SHROOM3: variants seen among roughly 807,000 people sequenced by gnomAD.
SHROOM3 encodes shroom family member 3, also known as protein Shroom3.
A neutral mutation model predicts 138.6 loss-of-function variants in SHROOM3; 47 were observed. The observed-to-expected ratio is 0.34, with a 90% confidence interval of 0.27 to 0.43. SHROOM3 has a LOEUF of 0.43. SHROOM3 is among the 20% of genes least tolerant of loss of function. The pLI, the probability that SHROOM3 is intolerant of heterozygous loss-of-function variation, is 1.00. For missense variants in SHROOM3, 2,491 were observed against 2,596.5 expected (o/e 0.96, Z 0.88); for synonymous variants, 1,062 against 1,063.3 (o/e 1.00, Z 0.02).
intron 2 of SHROOM3, among the ~76,000 whole-genome samples, chr4:76,599,986 AC>A (rs1249557009): frequency 6.8e-6 from 1 of 146,336 alleles, no homozygotes. Context: ...TTCTAAAAAA[AC>A]ATTTTTTTTT....
Position 76,741,553 on chromosome 4 carries a change from C to A in SHROOM3, c.3380C>A (p.Ala1127Glu), listed in dbSNP as rs754994062. Reference protein sequence around the residue: ...QSAYLQPGPAALEGSGLASAS... With the variant: ...QSAYLQPGPAELEGSGLASAS... Reference sequence around the variant, plus strand: ...GCCTACCTCCAGCCCGGCCCCGCGGCGCTCGAAGGCTCCGGCCTCGCCTCG... The same window carrying A: ...GCCTACCTCCAGCCCGGCCCCGCGGAGCTCGAAGGCTCCGGCCTCGCCTCG... The change falls in exon 5 of 11, where the codon GCG (alanine) becomes GAG (glutamate). Residue 1127 changes from alanine to glutamate, a missense_variant. Coordinates refer to ENST00000296043, the MANE Select transcript of SHROOM3 (RefSeq NM_020859.4). The surrounding 1 kb of genome is among the most constrained non-coding windows in gnomAD (Gnocchi z 6.2). The A allele has an allele frequency of 9.1e-6, 14 of 1,546,598 alleles. No individual in the cohort carries two copies. The East Asian group carries it at 3.4e-4, about 37-fold the overall frequency.
chr4:76,607,697 T>C (rs1172785798), intron 2 of SHROOM3, among the ~76,000 whole-genome samples: 1 of 151,894 alleles, frequency 6.6e-6, no homozygotes, highest in Admixed American at 6.6e-5. Flanking sequence ...TTTCTTGTGG[T>C]TAATAAAGGA....
At chr4:76,668,541 C>T (rs1000590753) in intron 2 of SHROOM3, among the ~76,000 whole-genome samples, 3 of 152,030 alleles carry the variant, frequency 2.0e-5, no homozygotes, top group African/African-American at 4.8e-5. Flanking sequence ...CCATTGCACT[C>T]CAGCTGGGGC....
rs140210750 is a variant in SHROOM3 at position 76,712,298 on chromosome 4, A to G, written c.455+2011A>G. On this transcript the variant is annotated intron_variant, in intron 3 of 10. Transcript: ENST00000296043. ...TGAGGGTAGGATAAAGGAGAGAAAA[A>G]CTAAAGAGTGACTGCTGAGTTGCTG... is the stretch of plus-strand genomic sequence containing the variant. Among the ~76,000 whole-genome samples the G allele has an allele frequency of 1.6e-4, 25 of 152,270 alleles. No individual in the cohort carries two copies. The East Asian group carries it at 3.9e-3, about 23-fold the overall frequency.
At chr4:76,743,443 T>G (rs1294502805) in intron 5 of SHROOM3, among the ~76,000 whole-genome samples, 2 of 152,352 alleles carry the variant, frequency 1.3e-5, no homozygotes, top group African/African-American at 4.8e-5. Context: ...ATGTGACGAT[T>G]GATCCATCTC....
chr4:76,669,045 G>A (rs1346759719), intron 2 of SHROOM3, among the ~76,000 whole-genome samples: 2 of 152,196 alleles, frequency 1.3e-5, no homozygotes, highest in East Asian at 3.8e-4. Flanking sequence ...ATGGAGACGG[G>A]ATAGGGAAAA....
chr4:76,717,497 T>C (rs1270667366), intron 3 of SHROOM3, among the ~76,000 whole-genome samples: 2 of 152,208 alleles, frequency 1.3e-5, no homozygotes, highest in African/African-American at 4.8e-5. Context: ...CTTTTGTAGT[T>C]GTCTCTCAGT....
chr4:76,508,385 G>C (rs1022616295), intron 1 of SHROOM3, among the ~76,000 whole-genome samples: 1 of 152,088 alleles, frequency 6.6e-6, no homozygotes, highest in Non-Finnish European at 1.5e-5. Context: ...GTTTATTTCT[G>C]AACTCACAAT....
In SHROOM3 at chr4:76,435,472, C is replaced by T. The variant is rs1730543712; in HGVS notation, c.-581C>T. 1 of 152,056 alleles carries T rather than the reference C, an allele frequency of 6.6e-6. No homozygotes were observed. The highest frequency in any genetic ancestry group is 2.4e-5 in the African/African-American group (1 of 41,402). 9.4% of individuals were successfully genotyped at this position (152,056 alleles called of 1,614,324 possible). A position where few individuals can be genotyped will look rare whatever the true frequency, so the allele number is the denominator to read the frequency against. ...TTTTAGCACAGCTTCTCTGTCTCTT[C>T]GGGACAAGTTAGAAAATTCTGAAGT... On this transcript the variant is annotated 5_prime_UTR_variant, in exon 1 of 11. Coordinates refer to ENST00000296043, the MANE Select transcript of SHROOM3 (RefSeq NM_020859.4).
At position 76,567,894 on chromosome 4, in the gene SHROOM3, G is replaced by GT. The variant is rs369721207; in HGVS notation, c.323+12143dup. ...TACTGGTGGTTACATGGTACTGAACGTTTTTTTTTTTTAACTAAATTAAAA... is the reference window on the plus strand; with the variant it reads ...TACTGGTGGTTACATGGTACTGAACGTTTTTTTTTTTTTAACTAAATTAAAA... On this transcript the variant is annotated intron_variant, in intron 2 of 10. Coordinates refer to ENST00000296043, the MANE Select transcript of SHROOM3 (RefSeq NM_020859.4). Among the ~76,000 whole-genome samples, 153 of 142,620 alleles carry GT rather than the reference G, an allele frequency of 1.1e-3. No homozygotes were observed. In the Middle Eastern group the frequency reaches 0.011, roughly 10 times the overall value. 93.6% of individuals were successfully genotyped at this position (142,620 alleles called of 152,430 possible). A position where few individuals can be genotyped will look rare whatever the true frequency, so the allele number is the denominator to read the frequency against.
chr4:76,567,649 C>A (rs1171538981), intron 2 of SHROOM3, among the ~76,000 whole-genome samples: 2 of 151,926 alleles, frequency 1.3e-5, no homozygotes, highest in Non-Finnish European at 2.9e-5. Context: ...GACTCCATCT[C>A]AAAAAAATTA....
chr4:76,678,570 TG>T lies in SHROOM3; in HGVS notation c.324-31583del, dbSNP rs34847348. ...TAAGAAGACAACTGAGTCAGTCGGA[TG>T]GGTGTTTTGATGCTATGAATAAAAT... is the stretch of plus-strand genomic sequence containing the variant. On this transcript the variant is annotated intron_variant, in intron 2 of 10. Coordinates refer to ENST00000296043, the MANE Select transcript of SHROOM3 (RefSeq NM_020859.4). Among the ~76,000 whole-genome samples, 4 of 152,318 alleles carry T rather than the reference TG, an allele frequency of 2.6e-5. No homozygotes were observed. The East Asian group carries it at 7.7e-4, about 29-fold the overall frequency.
chr4:76,489,531 G>A (rs1372236146), intron 1 of SHROOM3, among the ~76,000 whole-genome samples: 1 of 152,188 alleles, frequency 6.6e-6, no homozygotes, highest in East Asian at 1.9e-4. Context: ...TTGCGCAGAT[G>A]TCAGAGGAAG....
chr4:76,497,272 A>G (rs1357354632), intron 1 of SHROOM3, among the ~76,000 whole-genome samples: 1 of 152,202 alleles, frequency 6.6e-6, no homozygotes, highest in Non-Finnish European at 1.5e-5. Flanking sequence ...TTCATCTGGA[A>G]CTTCTTAAAG....
At chr4:76,547,377 T>C (rs1369331505) in intron 1 of SHROOM3, among the ~76,000 whole-genome samples, 1 of 152,098 alleles carries the variant, frequency 6.6e-6, no homozygotes, top group African/African-American at 2.4e-5. Flanking sequence ...TCTATAAAAA[T>C]ACAATTATAA....
At chr4:76,700,819 C>G (rs1282009383) in intron 2 of SHROOM3, among the ~76,000 whole-genome samples, 1 of 151,806 alleles carries the variant, frequency 6.6e-6, no homozygotes, top group Non-Finnish European at 1.5e-5. Flanking sequence ...CTCACTCTGT[C>G]ACCCAGGCTG....
rs529830890 is a variant in SHROOM3, at chr4:76,519,372, T to G, written c.169-36237T>G. Among the ~76,000 whole-genome samples the G allele has an allele frequency of 6.2e-4, 94 of 152,302 alleles. No individual in the cohort carries two copies. In the South Asian group the frequency reaches 0.018, roughly 29 times the overall value. ...GTTCAGAGGGTGCATTTAACTTCAG[T>G]GACTTCAATCAATTCTGTAAATTTT... is the stretch of plus-strand genomic sequence containing the variant. On this transcript the variant is annotated intron_variant, in intron 1 of 10. Coordinates refer to ENST00000296043, the MANE Select transcript of SHROOM3 (RefSeq NM_020859.4).
intron 3 of SHROOM3, among the ~76,000 whole-genome samples, chr4:76,720,010 C>T (rs1183398598): frequency 6.6e-6 from 1 of 152,176 alleles, no homozygotes; most frequent in Admixed American, 6.5e-5. Flanking sequence ...CATTTAAAAA[C>T]AACTTTTCTT....
chr4:76,540,679 C>T (rs1733079651), intron 1 of SHROOM3, among the ~76,000 whole-genome samples: 1 of 152,104 alleles, frequency 6.6e-6, no homozygotes, highest in Admixed American at 6.6e-5. Flanking sequence ...TAAAGCATTT[C>T]ATCAGGAGTA....
Sources: gnomAD v4.1 joint callset for allele counts (sites outside exome capture counted in the v4.1 genomes callset) on GRCh38, gnomAD v4.1.1 for gene constraint, Gnocchi (gnomAD v3.1) non-coding constraint, MANE v1.5 for transcripts, NCBI Gene and HGNC (gene_info 2026-07-23, HGNC 2026-07-21) for gene names.